CACNA1A: variants seen among roughly 807,000 people sequenced by gnomAD.
CACNA1A encodes the protein calcium voltage-gated channel subunit alpha1 A.
In CACNA1A, 57 loss-of-function variants were observed where a neutral mutation model predicts 262.4. The ratio of observed to expected loss-of-function variants is 0.22; its 90% CI spans 0.18 to 0.27. The LOEUF is 0.27. CACNA1A is among the 10% of genes least tolerant of loss of function. The pLI is 1.00. For synonymous variants in CACNA1A, 1,431 were observed against 1,419.3 expected (o/e 1.01, Z -0.18); for missense variants, 2,526 against 3,562.8 (o/e 0.71, Z 7.41).
intron 1 of CACNA1A, among the ~76,000 whole-genome samples, chr19:13,463,886 G>A (rs1262541607): frequency 2.0e-5 from 3 of 152,084 alleles, no homozygotes; most frequent in African/African-American, 7.2e-5. Context: ...GGGATCAGAC[G>A]TGGCCTTGAC....
intron 21 of CACNA1A, 195 bp from the exon 22 acceptor site, chr19:13,283,591 G>A (rs1052017877): frequency 2.9e-5 from 17 of 587,972 alleles, no homozygotes; most frequent in African/African-American, 9.4e-5. Context: ...AGGGGACCTC[G>A]GTGAGAGAAG....
chr19:13,235,313 T>A, intron 32 of CACNA1A, 39 bp from the exon 33 acceptor site: 2 of 1,526,566 alleles, frequency 1.3e-6, no homozygotes, highest in Non-Finnish European at 1.8e-6. Flanking sequence ...GTGCTGGGGG[T>A]CCCTCAGCCG....
chr19:13,421,967 A>G (rs982680697), intron 3 of CACNA1A, among the ~76,000 whole-genome samples: 1 of 152,178 alleles, frequency 6.6e-6, no homozygotes, highest in Non-Finnish European at 1.5e-5. Context: ...TTCAAAAAGA[A>G]GGAAAAATAA....
At chr19:13,248,128 T>C (rs2056297193) in intron 30 of CACNA1A, among the ~76,000 whole-genome samples, 2 of 152,152 alleles carry the variant, frequency 1.3e-5, no homozygotes, top group South Asian at 4.2e-4. Context: ...CCAGATAAAT[T>C]CCTTGCACTC....
Position 13,230,069 on chromosome 19 carries a change from G to A in CACNA1A, c.5528+13C>T. ...TGAGTATTGTGGCTGGAGGATTCGG[G>A]GTGACTTCTTACCAAGCTGCGGGGT... On this transcript the variant is annotated intron_variant, in intron 36 of 46. Coordinates refer to ENST00000360228, the MANE Select transcript of CACNA1A (RefSeq NM_001127222.2). The A allele has an allele frequency of 1.2e-6, 2 of 1,612,178 alleles. No individual in the cohort carries two copies. The highest frequency in any genetic ancestry group is 1.1e-5 in the South Asian group (1 of 90,970).
intron 3 of CACNA1A, among the ~76,000 whole-genome samples, chr19:13,436,602 C>T (rs991500535): frequency 6.7e-6 from 1 of 148,608 alleles, no homozygotes; most frequent in Admixed American, 6.7e-5. Flanking sequence ...CACTCAATCA[C>T]CCATTTATGC....
chr19:13,311,753 A>C (rs1438144754), intron 12 of CACNA1A, among the ~76,000 whole-genome samples: 1 of 152,026 alleles, frequency 6.6e-6, no homozygotes, highest in Non-Finnish European at 1.5e-5. Flanking sequence ...AGGAGAATGG[A>C]GTGAACCTGG....
At chr19:13,350,658 G>A (rs530516225) in intron 6 of CACNA1A, among the ~76,000 whole-genome samples, 1 of 152,120 alleles carries the variant, frequency 6.6e-6, no homozygotes, top group East Asian at 1.9e-4. Flanking sequence ...GGGACTTGTT[G>A]TTGATGTGTT....
intron 3 of CACNA1A, among the ~76,000 whole-genome samples, chr19:13,437,761 CAT>C (rs1011624701): frequency 6.6e-6 from 1 of 150,662 alleles, no homozygotes; most frequent in Non-Finnish European, 1.5e-5. Context: ...AAGGTCTCCA[CAT>C]AGACACCCAA....
chr19:13,406,465 T>TTATATATATA lies in CACNA1A; in HGVS notation c.540-34696_540-34687dup, dbSNP rs61273249. 5.4e-4 allele frequency among the ~76,000 whole-genome samples: 17 copies of TTATATATATA among 31,546 alleles called. 1 individual carries two copies. The highest frequency in any genetic ancestry group is 1.7e-3 in the South Asian group (1 of 600). 20.7% of individuals were successfully genotyped at this position (31,546 alleles called of 152,430 possible). ...GGGAGACTCTGTCTCAAAAAAAAAA[T>TTATATATATA]TATATATATATATATATATATATAT... On this transcript the variant is annotated intron_variant, in intron 3 of 46. Coordinates refer to ENST00000360228, the MANE Select transcript of CACNA1A (RefSeq NM_001127222.2).
At chr19:13,283,185 C>A in intron 22 of CACNA1A, 82 bp downstream of exon 22, 1 of 1,551,434 alleles carries the variant, frequency 6.4e-7, no homozygotes, top group Non-Finnish European at 8.8e-7. Flanking sequence ...TCCCACCCTA[C>A]CTATGAGCAT....
intron 29 of CACNA1A, among the ~76,000 whole-genome samples, chr19:13,254,882 G>A (rs554265917): frequency 1.3e-5 from 2 of 152,254 alleles, no homozygotes; most frequent in South Asian, 4.1e-4. Flanking sequence ...GCTTTCTGGA[G>A]GAAGAGGTCT....
At chr19:13,483,996 C>T (rs369256336) in intron 1 of CACNA1A, among the ~76,000 whole-genome samples, 95 of 152,032 alleles carry the variant, frequency 6.2e-4, no homozygotes, top group South Asian at 1.5e-3. Context: ...GCCAGGAGCA[C>T]CTCAGTAGGG....
At chr19:13,499,445 GGTGGT>G (rs1207053513) in intron 1 of CACNA1A, among the ~76,000 whole-genome samples, 4 of 118,186 alleles carry the variant, frequency 3.4e-5, no homozygotes, top group African/African-American at 1.4e-4. Context: ...AGTCGCAGGG[GGTGGT>G]GGGGGGGGGC....
chr19:13,227,838 A>C (rs2055518310), intron 36 of CACNA1A, among the ~76,000 whole-genome samples: 2 of 142,334 alleles, frequency 1.4e-5, no homozygotes, highest in Admixed American at 1.4e-4. Context: ...ACAGTTCTGG[A>C]GGGATGCGGA....
At chr19:13,415,232 G>A (rs951275481) in intron 3 of CACNA1A, among the ~76,000 whole-genome samples, 15 of 151,864 alleles carry the variant, frequency 9.9e-5, no homozygotes, top group Admixed American at 4.6e-4. Context: ...GTGTGTGTGC[G>A]GCGCGGAATA....
chr19:13,369,873 G>T (rs2059287218), intron 4 of CACNA1A, among the ~76,000 whole-genome samples: 1 of 152,168 alleles, frequency 6.6e-6, no homozygotes, highest in Admixed American at 6.5e-5. Flanking sequence ...ATCTTGCAGA[G>T]ACCTTGGATA....
At chr19:13,489,232 G>A (rs1165132353) in intron 1 of CACNA1A, among the ~76,000 whole-genome samples, 3 of 151,256 alleles carry the variant, frequency 2.0e-5, no homozygotes, top group East Asian at 2.0e-4. Context: ...GGATGATCTC[G>A]ATCTCCTGAC....
At chr19:13,290,011 C>T (rs2057496228) in intron 19 of CACNA1A, among the ~76,000 whole-genome samples, 2 of 151,656 alleles carry the variant, frequency 1.3e-5, no homozygotes, top group South Asian at 4.2e-4. Flanking sequence ...TCACTGCAAC[C>T]TCTGCCTCCC....
Sources: gnomAD v4.1 joint callset for allele counts (sites outside exome capture counted in the v4.1 genomes callset) on GRCh38, gnomAD v4.1.1 for gene constraint, MANE v1.5 for transcripts, NCBI Gene and HGNC (gene_info 2026-07-23, HGNC 2026-07-21) for gene names.